The following PRKG1 variants were observed in gnomAD, a reference collection of about 807,000 sequenced individuals.
PRKG1 encodes protein kinase cGMP-dependent 1.
In PRKG1, 35 loss-of-function variants were observed where a neutral mutation model predicts 88.1. That is an observed-to-expected ratio of 0.40 (90% CI 0.30 to 0.53). The LOEUF (loss-of-function observed/expected upper bound fraction) is 0.53, where lower values mean the gene tolerates loss of function less well. Ranked by LOEUF, PRKG1 falls within the 20% of genes least tolerant of loss-of-function variation. PRKG1 has a pLI of 0.59. For missense variants in PRKG1, 540 were observed against 839.8 expected (o/e 0.64, Z 4.41); for synonymous variants, 303 against 292.5 (o/e 1.04, Z -0.37).
intron 2 of PRKG1, among the ~76,000 whole-genome samples, chr10:51,340,973 C>G (rs1240053065): frequency 2.0e-5 from 3 of 152,174 alleles, no homozygotes; most frequent in Admixed American, 6.5e-5. Context: ...AAATCCTCCT[C>G]AGAAACTTTC....
At chr10:52,132,696 ATATTAAT>A (rs1283868367) in intron 7 of PRKG1, among the ~76,000 whole-genome samples, 8 of 152,234 alleles carry the variant, frequency 5.3e-5, no homozygotes, top group African/African-American at 1.9e-4. Context: ...TATTTCAAAC[ATATTAAT>A]TATTAATTAA....
chr10:51,116,276 A>G (rs111343970), intron 1 of PRKG1, among the ~76,000 whole-genome samples: 93 of 152,282 alleles, frequency 6.1e-4, no homozygotes, highest in African/African-American at 2.1e-3. Context: ...TCAACCATGC[A>G]TTTCCTGCCT....
chr10:51,932,278 A>T (rs991009977), intron 5 of PRKG1, among the ~76,000 whole-genome samples: 1 of 152,018 alleles, frequency 6.6e-6, no homozygotes, highest in African/African-American at 2.4e-5. Flanking sequence ...ATGTCCAGAA[A>T]ATACCATACA....
At chr10:51,752,737 C>T (rs1837759246) in intron 3 of PRKG1, among the ~76,000 whole-genome samples, 1 of 152,060 alleles carries the variant, frequency 6.6e-6, no homozygotes, top group South Asian at 2.1e-4. Flanking sequence ...GAATATTGTT[C>T]CTTTAAAAGT....
intron 4 of PRKG1, among the ~76,000 whole-genome samples, chr10:51,815,740 G>A (rs867207177): frequency 2.4e-4 from 37 of 152,134 alleles, no homozygotes; most frequent in African/African-American, 8.0e-4. Flanking sequence ...TTATCAATAT[G>A]ATTTTACCAA....
intron 5 of PRKG1, among the ~76,000 whole-genome samples, chr10:51,958,410 A>C (rs1020293599): frequency 6.6e-6 from 1 of 151,476 alleles, no homozygotes; most frequent in African/African-American, 2.4e-5. Flanking sequence ...GTGTTTTGGA[A>C]CTAGGGGCAG....
chr10:51,757,097 T>G (rs1055419607), intron 3 of PRKG1, among the ~76,000 whole-genome samples: 6 of 151,816 alleles, frequency 4.0e-5, no homozygotes, highest in African/African-American at 1.5e-4. Context: ...TTTCATTTTA[T>G]TTTATTTTAT....
At chr10:52,216,920 G>A (rs193109273) in intron 9 of PRKG1, among the ~76,000 whole-genome samples, 1 of 152,200 alleles carries the variant, frequency 6.6e-6, no homozygotes, top group Admixed American at 6.5e-5. Context: ...TTTAATAAGT[G>A]AGTTCAGCTC....
chr10:51,697,637 C>T, intron 3 of PRKG1: 2 of 1,527,966 alleles, frequency 1.3e-6, no homozygotes, highest in Non-Finnish European at 8.9e-7. Context: ...CAGCTTTTTG[C>T]ACCCATTCTC....
intron 2 of PRKG1, among the ~76,000 whole-genome samples, chr10:51,154,649 T>C (rs1846161804): frequency 6.6e-6 from 1 of 152,034 alleles, no homozygotes; most frequent in Non-Finnish European, 1.5e-5. Context: ...TGGATATATG[T>C]TAGGCATTCA....
At chr10:51,683,941 A>G (rs1840917001) in intron 3 of PRKG1, among the ~76,000 whole-genome samples, 1 of 152,226 alleles carries the variant, frequency 6.6e-6, no homozygotes, top group African/African-American at 2.4e-5. Context: ...GGGGGAATGT[A>G]AAATAGTTTG....
chr10:51,791,223 AAGTT>A (rs1838862530), intron 3 of PRKG1, among the ~76,000 whole-genome samples: 1 of 152,272 alleles, frequency 6.6e-6, no homozygotes, highest in Non-Finnish European at 1.5e-5. Context: ...AAAGTAAAGA[AAGTT>A]AGCCTGTAGC....
At chr10:52,087,062 A>G (rs1846934501) in intron 7 of PRKG1, among the ~76,000 whole-genome samples, 1 of 152,170 alleles carries the variant, frequency 6.6e-6, no homozygotes, top group Admixed American at 6.5e-5. Flanking sequence ...TGTGGGGATT[A>G]TAGGAACTAC....
intron 3 of PRKG1, among the ~76,000 whole-genome samples, chr10:51,631,630 A>G (rs934959490): frequency 4.6e-5 from 7 of 152,206 alleles, no homozygotes; most frequent in African/African-American, 1.7e-4. Context: ...CAGTGTTGGC[A>G]TCACTGCTGC....
At chr10:51,640,736 C>T (rs1162695061) in intron 3 of PRKG1, among the ~76,000 whole-genome samples, 1 of 152,126 alleles carries the variant, frequency 6.6e-6, no homozygotes, top group Non-Finnish European at 1.5e-5. Flanking sequence ...CTTTAGAATA[C>T]TCTCAAATTA....
In PRKG1 at chr10:51,876,223, TAC is replaced by T. The variant is rs3029926; in HGVS notation, c.699-31264_699-31263del. 3.0e-3 allele frequency among the ~76,000 whole-genome samples: 445 copies of T among 149,836 alleles called. 1 individual carries two copies. Among genetic ancestry groups the T allele is most frequent in the Non-Finnish European group, 4.3e-3 (287 of 67,244 alleles). On this transcript the variant is annotated intron_variant, in intron 4 of 17. Coordinates refer to ENST00000373980, the MANE Select transcript of PRKG1 (RefSeq NM_006258.4). ...TGTGCATAGATATGTATATTTGTGT[TAC>T]ACACACACACACACACACAGAGTGT...
intron 5 of PRKG1, among the ~76,000 whole-genome samples, chr10:52,043,847 T>G (rs762083658): frequency 4.7e-5 from 7 of 147,444 alleles, no homozygotes; most frequent in Non-Finnish European, 1.0e-4. Flanking sequence ...TTAAAAAATT[T>G]TGGAAAAAAA....
At chr10:51,715,965 A>G (rs1841875505) in intron 3 of PRKG1, among the ~76,000 whole-genome samples, 1 of 152,244 alleles carries the variant, frequency 6.6e-6, no homozygotes, top group Admixed American at 6.5e-5. Flanking sequence ...TAGGATGCCA[A>G]GCCGTTCTAT....
intron 3 of PRKG1, among the ~76,000 whole-genome samples, chr10:51,677,796 T>G (rs1202587580): frequency 2.6e-5 from 4 of 152,162 alleles, no homozygotes; most frequent in Non-Finnish European, 5.9e-5. Context: ...CCTCAAGGTT[T>G]TTGTGTATGT....
Sources: allele counts gnomAD v4.1 joint callset (sites outside exome capture counted in the v4.1 genomes callset), GRCh38; gene constraint gnomAD v4.1.1; transcripts MANE v1.5; gene names NCBI Gene and HGNC (gene_info 2026-07-23, HGNC 2026-07-21).